BRINP1: variants seen among roughly 807,000 people sequenced by gnomAD.
BRINP1 encodes BMP/retinoic acid inducible neural specific 1.
A neutral mutation model predicts 72.9 loss-of-function variants in BRINP1; 17 were observed. The observed-to-expected ratio is 0.23, with a 90% CI of 0.16 to 0.35. The LOEUF (loss-of-function observed/expected upper bound fraction) is 0.35, where lower values mean the gene tolerates loss of function less well. BRINP1 is among the 10% of genes least tolerant of loss of function. The probability of loss-of-function intolerance (pLI) is 1.00; values close to 1 mark genes in which losing one functional copy is unlikely to be tolerated. For missense variants in BRINP1, 850 were observed against 1,001.6 expected, an observed-to-expected ratio of 0.85 and a Z score of 2.04; for synonymous variants, 418 against 378.5, an observed-to-expected ratio of 1.10 and a Z score of -1.21.
At chr9:119,318,844 GGTGTGT>G (rs56756136) in intron 1 of BRINP1, among the ~76,000 whole-genome samples, 23,011 of 141,946 alleles carry the variant, frequency 0.16, 2,417 homozygotes, top group East Asian at 0.45. Flanking sequence ...AAATGTGTGG[GGTGTGT>G]GTGTGTGTGT....
chr9:119,356,633 C>A (rs931469661), intron 1 of BRINP1, among the ~76,000 whole-genome samples: 3 of 151,826 alleles, frequency 2.0e-5, no homozygotes, highest in Non-Finnish European at 4.4e-5. Context: ...GTGAAAACCT[C>A]ATCTCTACTA....
At chr9:119,208,448 C>T (rs1829882212) in intron 7 of BRINP1, among the ~76,000 whole-genome samples, 2 of 152,102 alleles carry the variant, frequency 1.3e-5, no homozygotes, top group Non-Finnish European at 2.9e-5. Flanking sequence ...ACTATCAGGG[C>T]TAGTGTTCCC....
chr9:119,185,780 C>T (rs1829610726), intron 7 of BRINP1, among the ~76,000 whole-genome samples: 1 of 152,230 alleles, frequency 6.6e-6, no homozygotes, highest in African/African-American at 2.4e-5. Context: ...GTTTAGGGAA[C>T]TGCCTGGAGT....
At chr9:119,268,734 G>A (rs1830578975) in intron 2 of BRINP1, among the ~76,000 whole-genome samples, 1 of 152,150 alleles carries the variant, frequency 6.6e-6, no homozygotes. Flanking sequence ...GTAGGACAAG[G>A]ACATTGTCTT....
At chr9:119,312,080 T>C (rs1831074401) in intron 2 of BRINP1, among the ~76,000 whole-genome samples, 2 of 152,250 alleles carry the variant, frequency 1.3e-5, no homozygotes, top group African/African-American at 2.4e-5. Context: ...TACTGTTGAA[T>C]ATTCTGAATC....
intron 7 of BRINP1, among the ~76,000 whole-genome samples, chr9:119,171,017 C>G (rs1360310230): frequency 2.7e-5 from 4 of 145,912 alleles, no homozygotes; most frequent in African/African-American, 1.1e-4. Flanking sequence ...GTACCAGCCG[C>G]TGCAAAATCA....
At chr9:119,277,984 C>A (rs1830673068) in intron 2 of BRINP1, among the ~76,000 whole-genome samples, 1 of 152,162 alleles carries the variant, frequency 6.6e-6, no homozygotes, top group Admixed American at 6.5e-5. Context: ...TTTATCTATA[C>A]TGAATCATAT....
At chr9:119,200,759 C>G (rs1033916113) in intron 7 of BRINP1, among the ~76,000 whole-genome samples, 3 of 151,720 alleles carry the variant, frequency 2.0e-5, no homozygotes, top group African/African-American at 7.3e-5. Flanking sequence ...CCTGAAACAG[C>G]CTTTCAATGC....
At chr9:119,248,021 A>T (rs1201204664) in intron 3 of BRINP1, among the ~76,000 whole-genome samples, 1 of 152,116 alleles carries the variant, frequency 6.6e-6, no homozygotes, top group African/African-American at 2.4e-5. Flanking sequence ...CCTTTACTTA[A>T]CCAGCTCCTG....
chr9:119,181,189 G>A (rs1829552823), intron 7 of BRINP1, among the ~76,000 whole-genome samples: 2 of 152,310 alleles, frequency 1.3e-5, no homozygotes, highest in South Asian at 4.1e-4. Context: ...GGCTACAAGA[G>A]TGGTTTATTC....
chr9:119,167,663 C>T lies in BRINP1; in HGVS notation c.1707G>A (p.Gly569=). 6.2e-7 allele frequency: 1 copy of T among 1,614,060 alleles called. No individual in the cohort carries two copies. The highest frequency in any genetic ancestry group is 8.5e-7 in the Non-Finnish European group (1 of 1,180,022). The change falls in exon 8 of 8, where the codon GGG becomes GGA. Residue 569 remains glycine, a synonymous_variant. Transcript: ENST00000265922. The surrounding 1 kb of genome is among the most constrained non-coding windows in gnomAD (Gnocchi z 4.3). ...GCATGTTCCAGCCCTCCGAATGGCTCCCGCTAAAGGGGTTGACATAGACAA... is the reference window on the plus strand; with the variant it reads ...GCATGTTCCAGCCCTCCGAATGGCTTCCGCTAAAGGGGTTGACATAGACAA... ...MFFVYVNPFS[G]SHSEGWNMPF...
At chr9:119,197,297 A>G (rs969212765) in intron 7 of BRINP1, among the ~76,000 whole-genome samples, 2 of 152,160 alleles carry the variant, frequency 1.3e-5, no homozygotes, top group African/African-American at 4.8e-5. Flanking sequence ...TCTCCCCAGC[A>G]GGAATGCATT....
intron 1 of BRINP1, among the ~76,000 whole-genome samples, chr9:119,327,631 A>C (rs990906317): frequency 6.6e-6 from 1 of 152,214 alleles, no homozygotes; most frequent in Non-Finnish European, 1.5e-5. Flanking sequence ...CATGGTCTGA[A>C]CAAGACATCT....
chr9:119,199,282 T>C (rs1416765591), intron 7 of BRINP1, among the ~76,000 whole-genome samples: 1 of 152,080 alleles, frequency 6.6e-6, no homozygotes, highest in Non-Finnish European at 1.5e-5. Flanking sequence ...GACAAATAAG[T>C]ACAGGGTTCA....
At chr9:119,265,117 T>C (rs1830534974) in intron 2 of BRINP1, among the ~76,000 whole-genome samples, 1 of 152,198 alleles carries the variant, frequency 6.6e-6, no homozygotes. Context: ...GAAAAACTCA[T>C]TCCCTACTCT....
chr9:119,327,455 T>A (rs1036486558), intron 1 of BRINP1, among the ~76,000 whole-genome samples: 1 of 152,152 alleles, frequency 6.6e-6, no homozygotes, highest in Non-Finnish European at 1.5e-5. Flanking sequence ...ACTGTACAAA[T>A]TGAGAGCTAG....
At chr9:119,319,229 C>A (rs1831159389) in intron 1 of BRINP1, among the ~76,000 whole-genome samples, 1 of 152,206 alleles carries the variant, frequency 6.6e-6, no homozygotes, top group Non-Finnish European at 1.5e-5. Flanking sequence ...TCTTCTCATT[C>A]TGCCACATTG....
chr9:119,237,493 G>A (rs1431821742), intron 5 of BRINP1, among the ~76,000 whole-genome samples: 3 of 151,718 alleles, frequency 2.0e-5, no homozygotes, highest in Admixed American at 6.6e-5. Flanking sequence ...TTCCCGAGTA[G>A]CTGGGACTAC....
intron 1 of BRINP1, among the ~76,000 whole-genome samples, chr9:119,326,148 A>C (rs1412121602): frequency 6.6e-6 from 1 of 152,198 alleles, no homozygotes; most frequent in Admixed American, 6.5e-5. Context: ...CAGATGATAA[A>C]GCTGAGGCCC....
Sources: gnomAD v4.1 joint callset for allele counts (sites outside exome capture counted in the v4.1 genomes callset) on GRCh38, gnomAD v4.1.1 for gene constraint, Gnocchi (gnomAD v3.1) non-coding constraint, MANE v1.5 for transcripts, NCBI Gene and HGNC (gene_info 2026-07-23, HGNC 2026-07-21) for gene names.